PDE10A: variants seen among roughly 807,000 people sequenced by gnomAD.
The protein encoded by PDE10A is cAMP and cAMP-inhibited cGMP 3',5'-cyclic phosphodiesterase 10A.
Under a neutral mutation model 97.7 loss-of-function variants are expected in PDE10A, and 39 were observed. The observed-to-expected ratio is 0.40, with a 90% CI of 0.31 to 0.52. PDE10A has a LOEUF of 0.52. Among genes scored for constraint, PDE10A ranks in the 20% least tolerant of loss-of-function variants. The probability of loss-of-function intolerance (pLI) is 0.56; values close to 1 mark genes in which losing one functional copy is unlikely to be tolerated. For synonymous variants in PDE10A, 371 were observed against 376.8 expected (o/e 0.98, Z 0.18); for missense variants, 731 against 1,047.8 (o/e 0.70, Z 4.17).
In PDE10A at chr6:165,768,562, G is replaced by A. The variant is rs1010270318; in HGVS notation, c.-615+218967C>T. 3.9e-5 allele frequency among the ~76,000 whole-genome samples: 6 copies of A among 151,966 alleles called. No individual in the cohort carries two copies. The East Asian group carries it at 5.8e-4, about 15-fold the overall frequency. On this transcript the variant is annotated intron_variant, in intron 1 of 19. Coordinates refer to the PDE10A transcript ENST00000366882. ...AAGATTATCCAATATTTTTAATAAC[G>A]TTTGAACACCTACAGGAAGAATCCT...
intron 3 of PDE10A, among the ~76,000 whole-genome samples, chr6:165,469,102 G>T (rs1034744960): frequency 6.6e-6 from 1 of 152,144 alleles, no homozygotes; most frequent in Non-Finnish European, 1.5e-5. Flanking sequence ...ATGACTCCTT[G>T]CCTACTAGCA....
chr6:165,764,846 T>G (rs1043015562), intron 1 of PDE10A, among the ~76,000 whole-genome samples: 2 of 152,162 alleles, frequency 1.3e-5, no homozygotes, highest in African/African-American at 2.4e-5. Flanking sequence ...CACTGCTGGC[T>G]CGGGCAGCCT....
chr6:165,831,074 C>T (rs1188792089), intron 1 of PDE10A, among the ~76,000 whole-genome samples: 1 of 152,084 alleles, frequency 6.6e-6, no homozygotes, highest in Non-Finnish European at 1.5e-5. Context: ...ACAAAGTCAT[C>T]CCTCCCTTCT....
At chr6:165,445,106 A>G (rs954547179) in intron 5 of PDE10A, among the ~76,000 whole-genome samples, 4 of 152,322 alleles carry the variant, frequency 2.6e-5, no homozygotes, top group African/African-American at 9.6e-5. Context: ...AAAAGGCGAA[A>G]TACAAAAATA....
chr6:165,840,120 ATCTC>A (rs1780220205), intron 1 of PDE10A, among the ~76,000 whole-genome samples: 1 of 67,778 alleles, frequency 1.5e-5, no homozygotes, highest in Non-Finnish European at 3.0e-5. Flanking sequence ...CTTCATCCCC[ATCTC>A]TCTCTATCCC....
At position 165,785,571 on chromosome 6, in the gene PDE10A, A is replaced by G. The variant is rs546992274; in HGVS notation, c.-615+201958T>C. On this transcript the variant is annotated intron_variant, in intron 1 of 19. Coordinates refer to the PDE10A transcript ENST00000366882. The stretch of plus-strand genomic sequence containing the variant: ...TAAACCAAATTCGTATCCACTTGTC[A>G]TTACCAAAATTTAACAGCCTCTAAA... Among the ~76,000 whole-genome samples the G allele has an allele frequency of 8.5e-5, 13 of 152,346 alleles. No homozygotes were observed. In the East Asian group the frequency reaches 2.5e-3, roughly 29 times the overall value.
chr6:165,566,731 C>CT (rs1227655113), intron 1 of PDE10A, among the ~76,000 whole-genome samples: 1 of 152,144 alleles, frequency 6.6e-6, no homozygotes, highest in East Asian at 1.9e-4. Context: ...AAGGGCTTTG[C>CT]TTAGGCATGA....
At chr6:165,373,386 C>CA (rs971083791) in intron 18 of PDE10A, among the ~76,000 whole-genome samples, 1 of 151,894 alleles carries the variant, frequency 6.6e-6, no homozygotes, top group Non-Finnish European at 1.5e-5. Context: ...ATTTACAAGA[C>CA]AAAAACAAAC....
In PDE10A at chr6:165,687,732, C is replaced by A. The variant is rs560382382; in HGVS notation, c.-614-144164G>T. ...TGCTACTGGCTGCACATCCCCAGTG[C>A]ACAGCCGTAGATGCAGAGGCTCCTA... On this transcript the variant is annotated intron_variant, in intron 1 of 19. Transcript: ENST00000366882. 3.9e-5 allele frequency among the ~76,000 whole-genome samples: 6 copies of A among 152,348 alleles called. No individual in the cohort carries two copies. The East Asian group carries it at 1.2e-3, about 29-fold the overall frequency.
At chr6:165,826,177 C>T (rs1282116485) in intron 1 of PDE10A, among the ~76,000 whole-genome samples, 1 of 152,164 alleles carries the variant, frequency 6.6e-6, no homozygotes, top group African/African-American at 2.4e-5. Context: ...AATGTCCTTG[C>T]CTTTTATTTT....
In PDE10A at chr6:165,435,315, C is replaced by A. The variant is rs748403172; in HGVS notation, c.1257G>T (p.Gly419=). 6 of 1,613,626 alleles carry A rather than the reference C, an allele frequency of 3.7e-6. No homozygotes were observed. The highest frequency in any genetic ancestry group is 5.1e-6 in the Non-Finnish European group (6 of 1,179,718). ...KEGKPRLIPA[G]PITQGTTVSA... is the part of the protein sequence containing the mutation. ...AGACGGTGGTGCCCTGAGTGATGGGCCCAGCAGGGATGAGGCGGGGTTTTC... is the reference window on the plus strand; with the variant it reads ...AGACGGTGGTGCCCTGAGTGATGGGACCAGCAGGGATGAGGCGGGGTTTTC... Residue 419 remains glycine, a synonymous_variant, in exon 6 of 22, where the codon GGG becomes GGT. Coordinates refer to ENST00000539869, the MANE Select transcript of PDE10A (RefSeq NM_001385079.1).
chr6:165,891,530 C>T (rs56300644), intron 1 of PDE10A, among the ~76,000 whole-genome samples: 1 of 152,078 alleles, frequency 6.6e-6, no homozygotes, highest in Non-Finnish European at 1.5e-5. Context: ...TGATGGGGCC[C>T]TTGTCCAGCC....
rs537697455 is a variant in PDE10A at position 165,843,004 on chromosome 6, C to G, written c.-615+144525G>C. ...GAGCTTTGAAAATTAAGATCTGACACACAAATGTGGGTTGTTCTTAGAGGT... is the reference window on the plus strand; with the variant it reads ...GAGCTTTGAAAATTAAGATCTGACAGACAAATGTGGGTTGTTCTTAGAGGT... On this transcript the variant is annotated intron_variant, in intron 1 of 19. Coordinates refer to the PDE10A transcript ENST00000366882. 2.0e-5 allele frequency among the ~76,000 whole-genome samples: 3 copies of G among 152,212 alleles called. No homozygotes were observed. In the South Asian group the frequency reaches 6.2e-4, roughly 32 times the overall value.
chr6:165,537,752 C>CT (rs762537593), intron 2 of PDE10A, among the ~76,000 whole-genome samples: 1 of 151,902 alleles, frequency 6.6e-6, no homozygotes, highest in Middle Eastern at 3.4e-3. Context: ...ACATTCAACA[C>CT]ATTTTCTGGT....
At chr6:165,378,547 T>C (rs961747196) in intron 18 of PDE10A, among the ~76,000 whole-genome samples, 2 of 152,204 alleles carry the variant, frequency 1.3e-5, no homozygotes, top group Admixed American at 6.5e-5. Context: ...ATACCTGACC[T>C]ATTTCTGAAT....
intron 1 of PDE10A, among the ~76,000 whole-genome samples, chr6:165,802,998 C>CTTTG (rs1180048275): frequency 1.3e-5 from 2 of 152,116 alleles, no homozygotes; most frequent in African/African-American, 2.4e-5. Flanking sequence ...GATGTCAGGG[C>CTTTG]TTTGTTTTAT....
intron 1 of PDE10A, among the ~76,000 whole-genome samples, chr6:165,920,923 C>T (rs1048660745): frequency 3.3e-5 from 5 of 152,128 alleles, no homozygotes; most frequent in African/African-American, 1.2e-4. Flanking sequence ...CACTCTCCTC[C>T]AAAATTTGTT....
At chr6:165,980,450 T>C (rs1439601562) in intron 1 of PDE10A, among the ~76,000 whole-genome samples, 1 of 152,178 alleles carries the variant, frequency 6.6e-6, no homozygotes, top group Non-Finnish European at 1.5e-5. Flanking sequence ...TTCAATAGGG[T>C]TTAGTTAAAT....
At chr6:165,772,142 G>C (rs1562728715) in intron 1 of PDE10A, among the ~76,000 whole-genome samples, 1 of 152,126 alleles carries the variant, frequency 6.6e-6, no homozygotes, top group African/African-American at 2.4e-5. Flanking sequence ...ACAATACAAA[G>C]TGTTTTTAGC....
Sources: gnomAD v4.1 joint callset for allele counts (sites outside exome capture counted in the v4.1 genomes callset) on GRCh38, gnomAD v4.1.1 for gene constraint, MANE v1.5 for transcripts, NCBI Gene and HGNC (gene_info 2026-07-23, HGNC 2026-07-21) for gene names.